Variants in HIBADH observed in about 807,000 individuals in gnomAD.
HIBADH encodes the protein 3-hydroxyisobutyrate dehydrogenase.
A neutral mutation model predicts 36.1 loss-of-function variants in HIBADH; 25 were observed. That is an observed-to-expected ratio of 0.69 (90% confidence interval 0.50 to 0.97). HIBADH has a LOEUF of 0.97. Among genes scored for constraint, HIBADH ranks in the 50% least tolerant of loss-of-function variants. HIBADH has a pLI of 0.00. For missense variants in HIBADH, 421 were observed against 418.0 expected (o/e 1.01, Z -0.06); for synonymous variants, 160 against 149.5 (o/e 1.07, Z -0.51).
At chr7:27,563,470 T>C (rs1249400879) in intron 4 of HIBADH, among the ~76,000 whole-genome samples, 2 of 152,238 alleles carry the variant, frequency 1.3e-5, no homozygotes, top group African/African-American at 4.8e-5. Context: ...ATGAAAAGCT[T>C]CCAAATTGTT....
intron 4 of HIBADH, among the ~76,000 whole-genome samples, chr7:27,612,217 G>C (rs1345905377): frequency 1.3e-5 from 2 of 151,868 alleles, no homozygotes; most frequent in African/African-American, 2.4e-5. Flanking sequence ...GAAACAAGTA[G>C]ATAATCTTAT....
chr7:27,594,460 T>C (rs1385363711), intron 4 of HIBADH, among the ~76,000 whole-genome samples: 1 of 152,088 alleles, frequency 6.6e-6, no homozygotes, highest in African/African-American at 2.4e-5. Flanking sequence ...AACTTTAAAG[T>C]CCTAGTAAGA....
intron 4 of HIBADH, among the ~76,000 whole-genome samples, chr7:27,583,865 A>G (rs1784824755): frequency 6.6e-6 from 1 of 152,070 alleles, no homozygotes; most frequent in Admixed American, 6.5e-5. Context: ...ACTTAAAAAC[A>G]TCAATCATAA....
chr7:27,593,564 T>C (rs1324394214), intron 4 of HIBADH, among the ~76,000 whole-genome samples: 1 of 152,188 alleles, frequency 6.6e-6, no homozygotes, highest in African/African-American at 2.4e-5. Flanking sequence ...ACCACTGTGT[T>C]TAAGATTAAC....
intron 6 of HIBADH, among the ~76,000 whole-genome samples, chr7:27,532,236 C>T (rs894138409): frequency 2.6e-5 from 4 of 152,174 alleles, no homozygotes; most frequent in African/African-American, 9.7e-5. Flanking sequence ...ATCACTGAAT[C>T]AAGTTTCAAA....
At chr7:27,564,422 G>A (rs10233212) in intron 4 of HIBADH, among the ~76,000 whole-genome samples, 14,276 of 151,926 alleles carry the variant, frequency 0.094, 721 homozygotes, top group Non-Finnish European at 0.11. Context: ...ATCATTTGTC[G>A]AAAAGACCAT....
intron 4 of HIBADH, among the ~76,000 whole-genome samples, chr7:27,613,177 ATATT>A (rs1785361804): frequency 2.1e-4 from 2 of 9,544 alleles, no homozygotes; most frequent in Admixed American, 2.3e-3. Context: ...TTATATAAAT[ATATT>A]TATATAAATA....
At chr7:27,530,203 TTTC>T (rs1238282137) in intron 7 of HIBADH, among the ~76,000 whole-genome samples, 4 of 62,096 alleles carry the variant, frequency 6.4e-5, no homozygotes, top group Non-Finnish European at 1.1e-4. Context: ...ATGTATTCTT[TTTC>T]TTTTTTTTTT....
At chr7:27,529,929 G>A (rs565270694) in intron 7 of HIBADH, among the ~76,000 whole-genome samples, 1 of 152,224 alleles carries the variant, frequency 6.6e-6, no homozygotes, top group Non-Finnish European at 1.5e-5. Flanking sequence ...CAACCTCAAG[G>A]CAAGACCTTC....
chr7:27,561,718 CAGTA>C (rs1160898072), intron 4 of HIBADH, among the ~76,000 whole-genome samples: 1 of 152,116 alleles, frequency 6.6e-6, no homozygotes. Flanking sequence ...CCCACTGTGA[CAGTA>C]GACATTTATA....
chr7:27,632,292 G>T (rs1352881501), intron 3 of HIBADH, 44 bp downstream of exon 3: 7 of 1,246,282 alleles, frequency 5.6e-6, no homozygotes, highest in Middle Eastern at 1.9e-4. Context: ...TGAAATTCAT[G>T]AACTATCATA....
intron 5 of HIBADH, chr7:27,541,706 T>C (rs1222927089): frequency 4.8e-6 from 2 of 419,288 alleles, no homozygotes; most frequent in South Asian, 3.4e-5. Flanking sequence ...GCATCACTAG[T>C]GGCACTTTGT....
At chr7:27,530,948 GCACACACATA>G (rs1243554225) in intron 7 of HIBADH, among the ~76,000 whole-genome samples, 1 of 151,066 alleles carries the variant, frequency 6.6e-6, no homozygotes, top group Admixed American at 6.6e-5. Flanking sequence ...ACACACACAC[GCACACACATA>G]CACACACACA....
intron 1 of HIBADH, among the ~76,000 whole-genome samples, chr7:27,654,697 G>GTTT (rs11386502): frequency 2.0e-5 from 3 of 147,468 alleles, no homozygotes; most frequent in African/African-American, 5.0e-5. Flanking sequence ...ATTTTTTTGT[G>GTTT]TTTTTTTTTT....
In HIBADH at chr7:27,565,823, A is replaced by T. The variant is rs1038420776; in HGVS notation, c.485-22723T>A. Among the ~76,000 whole-genome samples, 52 of 152,166 alleles carry T rather than the reference A, an allele frequency of 3.4e-4. 1 individual carries two copies. The highest frequency in any genetic ancestry group is 1.2e-3 in the African/African-American group (49 of 41,530). On this transcript the variant is annotated intron_variant, in intron 4 of 7. Transcript: ENST00000265395. The stretch of plus-strand genomic sequence containing the variant: ...TATCAGTTTTAGGAAGTTCCCTTCT[A>T]TTCCTAGTTTGCTGAGAGCTTTTAT...
At chr7:27,628,345 T>C (rs1477797645) in intron 4 of HIBADH, among the ~76,000 whole-genome samples, 2 of 152,136 alleles carry the variant, frequency 1.3e-5, no homozygotes, top group Admixed American at 6.5e-5. Flanking sequence ...TAAATTATTA[T>C]ATGTTACTTT....
intron 4 of HIBADH, among the ~76,000 whole-genome samples, chr7:27,573,057 A>T (rs1477585432): frequency 6.6e-6 from 1 of 152,202 alleles, no homozygotes; most frequent in Non-Finnish European, 1.5e-5. Context: ...AGGGACAGAG[A>T]AAGAAATTCT....
chr7:27,527,865 C>T (rs947950725), intron 7 of HIBADH, among the ~76,000 whole-genome samples: 8 of 148,480 alleles, frequency 5.4e-5, no homozygotes, highest in South Asian at 2.1e-4. Flanking sequence ...ATTCTCCTCC[C>T]GCAGCCTCCT....
chr7:27,647,848 G>A lies in HIBADH; in HGVS notation c.252+1625C>T, dbSNP rs1201911361. 3.5e-5 allele frequency: 7 copies of A among 201,878 alleles called. No individual in the cohort carries two copies. The East Asian group carries it at 3.9e-4, about 11-fold the overall frequency. 12.5% of individuals were successfully genotyped at this position (201,878 alleles called of 1,614,324 possible). A position where few individuals can be genotyped will look rare whatever the true frequency, so the allele number is the denominator to read the frequency against. ...ATTACAGTCGTTCCACATACAAGCT[G>A]GAAGTACTACAGGCATAGAGGGAAG... is the stretch of plus-strand genomic sequence containing the variant. On this transcript the variant is annotated intron_variant, in intron 2 of 7. Coordinates refer to ENST00000265395, the MANE Select transcript of HIBADH (RefSeq NM_152740.4).
Sources: gnomAD v4.1 joint callset for allele counts (sites outside exome capture counted in the v4.1 genomes callset) on GRCh38, gnomAD v4.1.1 for gene constraint, MANE v1.5 for transcripts, NCBI Gene and HGNC (gene_info 2026-07-23, HGNC 2026-07-21) for gene names.